The following LNPK variants were observed in gnomAD, a reference collection of about 807,000 sequenced individuals.
LNPK encodes the protein endoplasmic reticulum junction formation protein lunapark.
Under a neutral mutation model 55.2 loss-of-function variants are expected in LNPK, and 29 were observed. That is an observed-to-expected ratio of 0.53 (90% CI 0.39 to 0.72). The LOEUF is 0.72. Among genes scored for constraint, LNPK ranks in the 30% least tolerant of loss-of-function variants. The pLI, the probability that LNPK is intolerant of heterozygous loss-of-function variation, is 0.00. For missense variants in LNPK, 467 were observed against 494.8 expected, an observed-to-expected ratio of 0.94 and a Z score of 0.53; for synonymous variants, 162 against 168.2, an observed-to-expected ratio of 0.96 and a Z score of 0.29.
At chr2:175,979,916 C>T (rs12373766) in intron 4 of LNPK, 48 bp from the exon 5 acceptor site, 261,557 of 1,477,234 alleles carry the variant, frequency 0.18, 26,084 homozygotes, top group Non-Finnish European at 0.21. Context: ...TTAGAAAAAG[C>T]GAATTAGAAG....
chr2:175,944,209 A>C (rs1685005390), intron 9 of LNPK, among the ~76,000 whole-genome samples: 1 of 152,138 alleles, frequency 6.6e-6, no homozygotes, highest in African/African-American at 2.4e-5. Flanking sequence ...ATGTAAATTT[A>C]ACCAAAAAAT....
At chr2:175,956,699 T>C (rs1685712072) in intron 8 of LNPK, among the ~76,000 whole-genome samples, 1 of 152,182 alleles carries the variant, frequency 6.6e-6, no homozygotes, top group Non-Finnish European at 1.5e-5. Flanking sequence ...GTATTAATAC[T>C]ACCAACACCT....
chr2:175,949,166 T>A (rs995110109), intron 8 of LNPK, among the ~76,000 whole-genome samples: 1 of 152,148 alleles, frequency 6.6e-6, no homozygotes, highest in Non-Finnish European at 1.5e-5. Context: ...TAATAAATTA[T>A]AAGCACAGTA....
chr2:175,963,478 T>G (rs1333348001), intron 8 of LNPK, among the ~76,000 whole-genome samples: 3 of 152,062 alleles, frequency 2.0e-5, no homozygotes, highest in Admixed American at 2.0e-4. Context: ...CACTGCATAT[T>G]CTCACTCATA....
At chr2:175,951,775 G>A (rs185208190) in intron 8 of LNPK, among the ~76,000 whole-genome samples, 35 of 151,574 alleles carry the variant, frequency 2.3e-4, no homozygotes, top group Non-Finnish European at 4.6e-4. Flanking sequence ...TGGATCAAAT[G>A]GTAGTTCTAC....
chr2:175,941,744 T>C (rs1290006631), intron 9 of LNPK, among the ~76,000 whole-genome samples: 5 of 143,578 alleles, frequency 3.5e-5, no homozygotes, highest in Admixed American at 7.2e-5. Context: ...TGAGCTGAGA[T>C]TGTGCCACTG....
At chr2:175,999,103 T>C (rs2105375469) in intron 1 of LNPK, among the ~76,000 whole-genome samples, 1 of 152,338 alleles carries the variant, frequency 6.6e-6, no homozygotes, top group Middle Eastern at 3.4e-3. Flanking sequence ...ACCAGCACAG[T>C]TTCAGCAATT....
At chr2:175,939,681 A>G (rs1684722493) in intron 9 of LNPK, 24 bp from the exon 10 acceptor site, 1 of 1,135,420 alleles carries the variant, frequency 8.8e-7, no homozygotes, top group Admixed American at 2.0e-5. Context: ...AAATACATAC[A>G]AAATTTATAT....
intron 12 of LNPK, among the ~76,000 whole-genome samples, chr2:175,936,999 A>C (rs1025151003): frequency 6.6e-6 from 1 of 152,174 alleles, no homozygotes; most frequent in Non-Finnish European, 1.5e-5. Flanking sequence ...TCCTTTGAAC[A>C]GTTGTTTCAT....
Position 175,961,433 on chromosome 2 carries a change from C to T in LNPK, c.493+2939G>A, listed in dbSNP as rs184237856. Reference sequence around the variant, plus strand: ...CAATAAATGTAATCCATCACACAAACAGAACCAAAGACAAAAACCACATGA... The same window carrying T: ...CAATAAATGTAATCCATCACACAAATAGAACCAAAGACAAAAACCACATGA... On this transcript the variant is annotated intron_variant, in intron 8 of 12. Transcript: ENST00000272748. Among the ~76,000 whole-genome samples, 40 of 152,298 alleles carry T rather than the reference C, an allele frequency of 2.6e-4. 1 individual carries two copies. The highest frequency in any genetic ancestry group is 2.4e-3 in the Admixed American group (36 of 15,306).
rs1293802107 is a variant in LNPK, at chr2:175,929,442, A to T, written c.*525T>A. ...TGCATTCTTATTGAGAATTCGTACC[A>T]GTGCCTATGTGGTAACAACTTTCAT... On this transcript the variant is annotated 3_prime_UTR_variant, in exon 13 of 13. Coordinates refer to ENST00000272748, the MANE Select transcript of LNPK (RefSeq NM_030650.3). 1 of 986,386 alleles carries T rather than the reference A, an allele frequency of 1.0e-6. No individual in the cohort carries two copies. Among genetic ancestry groups the T allele is most frequent in the Non-Finnish European group, 1.2e-6 (1 of 830,342 alleles). The allele number at this position is 986,386 out of a possible 1,614,324, so 61.1% of individuals were successfully genotyped here.
At chr2:175,951,450 T>C (rs556473483) in intron 8 of LNPK, among the ~76,000 whole-genome samples, 1 of 151,760 alleles carries the variant, frequency 6.6e-6, no homozygotes, top group South Asian at 2.1e-4. Flanking sequence ...CTGCCACTTA[T>C]GAGTGAGAAC....
At position 175,929,951 on chromosome 2, in the gene LNPK, C is replaced by T. The variant is rs1684183743; in HGVS notation, c.*16G>A. 4 of 1,613,106 alleles carry T rather than the reference C, an allele frequency of 2.5e-6. No individual in the cohort carries two copies. Among genetic ancestry groups the T allele is most frequent in the Non-Finnish European group, 2.5e-6 (3 of 1,179,572 alleles). ...AAGACTATAAATATCCAGTTGAAGGCACGTGGAAGCATTTACTACTCTGCC... is the reference window on the plus strand; with the variant it reads ...AAGACTATAAATATCCAGTTGAAGGTACGTGGAAGCATTTACTACTCTGCC... On this transcript the variant is annotated 3_prime_UTR_variant, in exon 13 of 13. Coordinates refer to ENST00000272748, the MANE Select transcript of LNPK (RefSeq NM_030650.3).
At chr2:175,998,370 G>A (rs1215314388) in intron 1 of LNPK, among the ~76,000 whole-genome samples, 1 of 150,762 alleles carries the variant, frequency 6.6e-6, no homozygotes, top group African/African-American at 2.4e-5. Flanking sequence ...TTGAACCCAG[G>A]AGGCGGAGGT....
chr2:175,976,055 C>T (rs993723740), intron 5 of LNPK, among the ~76,000 whole-genome samples: 3 of 152,022 alleles, frequency 2.0e-5, no homozygotes, highest in African/African-American at 7.2e-5. Flanking sequence ...GTTCAGGGAA[C>T]TTGTTTGTAG....
chr2:175,969,738 CATAATA>C (rs985295014), intron 6 of LNPK, among the ~76,000 whole-genome samples: 1 of 152,104 alleles, frequency 6.6e-6, no homozygotes, highest in Non-Finnish European at 1.5e-5. Flanking sequence ...ATAGCAGAAA[CATAATA>C]ATAAGATATT....
intron 12 of LNPK, among the ~76,000 whole-genome samples, chr2:175,934,023 TG>T (rs1684420711): frequency 6.6e-6 from 1 of 152,172 alleles, no homozygotes; most frequent in African/African-American, 2.4e-5. Context: ...CCACCGTGCC[TG>T]GCCAAGAGTT....
chr2:175,943,202 T>G (rs1330842468), intron 9 of LNPK, among the ~76,000 whole-genome samples: 1 of 130,006 alleles, frequency 7.7e-6, no homozygotes, highest in Non-Finnish European at 1.6e-5. Flanking sequence ...TTAAAGAAAC[T>G]GAATTTTTAG....
intron 9 of LNPK, chr2:175,941,059 G>A: frequency 2.3e-6 from 1 of 433,618 alleles, no homozygotes; most frequent in Non-Finnish European, 4.6e-6. Context: ...ACCAGCCTGG[G>A]CAATATGAGG....
Sources: allele counts gnomAD v4.1 joint callset (sites outside exome capture counted in the v4.1 genomes callset), GRCh38; gene constraint gnomAD v4.1.1; transcripts MANE v1.5; gene names NCBI Gene and HGNC (gene_info 2026-07-23, HGNC 2026-07-21).